CNTN5: variants seen among roughly 807,000 people sequenced by gnomAD.
The protein encoded by CNTN5 is contactin 5, also known as contactin-5.
A neutral mutation model predicts 129.1 loss-of-function variants in CNTN5; 77 were observed. That is an observed-to-expected ratio of 0.60 (90% CI 0.50 to 0.72). The LOEUF is 0.72. CNTN5 is among the 30% of genes least tolerant of loss of function. The pLI, the probability that CNTN5 is intolerant of heterozygous loss-of-function variation, is 0.00. For missense variants in CNTN5, 1,478 were observed against 1,328.8 expected (o/e 1.11, Z -1.75); for synonymous variants, 509 against 465.6 (o/e 1.09, Z -1.20).
At chr11:99,950,983 G>T (rs920092998) in intron 7 of CNTN5, among the ~76,000 whole-genome samples, 1 of 152,104 alleles carries the variant, frequency 6.6e-6, no homozygotes, top group Non-Finnish European at 1.5e-5. Context: ...TGTTGAAGAT[G>T]ATTAAAATAA....
intron 1 of CNTN5, among the ~76,000 whole-genome samples, chr11:99,312,490 C>T (rs944459550): frequency 4.6e-5 from 7 of 151,996 alleles, no homozygotes; most frequent in South Asian, 2.1e-4. Context: ...ATTTTTTCTC[C>T]GAATGGTAGT....
Position 99,811,402 on chromosome 11 carries a change from G to T in CNTN5, c.56-8142G>T, listed in dbSNP as rs1946423398. Among the ~76,000 whole-genome samples, 3 of 150,112 alleles carry T rather than the reference G, an allele frequency of 2.0e-5. No homozygotes were observed. The South Asian group carries it at 6.3e-4, about 31-fold the overall frequency. On this transcript the variant is annotated intron_variant, in intron 3 of 24. Transcript: ENST00000524871. ...TTATTTTATCTTCTTCATAAATATT[G>T]CCATAAAGAATTTTAGTTCTGCATA...
intron 3 of CNTN5, among the ~76,000 whole-genome samples, chr11:99,772,797 AG>A (rs1414314695): frequency 6.6e-6 from 1 of 152,106 alleles, no homozygotes; most frequent in Non-Finnish European, 1.5e-5. Flanking sequence ...GGGGAAGAAA[AG>A]GGCAGTACTT....
At chr11:99,466,019 C>A (rs1405227968) in intron 2 of CNTN5, among the ~76,000 whole-genome samples, 2 of 151,916 alleles carry the variant, frequency 1.3e-5, no homozygotes, top group African/African-American at 2.4e-5. Context: ...GTAGCTGGGA[C>A]TACAGGTGTC....
intron 1 of CNTN5, among the ~76,000 whole-genome samples, chr11:99,157,558 C>A (rs1184914810): frequency 6.6e-6 from 1 of 151,874 alleles, no homozygotes; most frequent in Non-Finnish European, 1.5e-5. Flanking sequence ...AATATATATC[C>A]TAGTAGATTT....
chr11:100,108,545 C>G (rs1945534389), intron 13 of CNTN5, among the ~76,000 whole-genome samples: 1 of 152,086 alleles, frequency 6.6e-6, no homozygotes, highest in Non-Finnish European at 1.5e-5. Context: ...TCCTATTTTT[C>G]TTAGTTCTGT....
At chr11:99,478,575 G>T (rs1945469999) in intron 2 of CNTN5, among the ~76,000 whole-genome samples, 1 of 152,044 alleles carries the variant, frequency 6.6e-6, no homozygotes, top group Admixed American at 6.6e-5. Context: ...GGCCATCTTG[G>T]CATTGGCTAC....
At chr11:99,395,331 A>G (rs532184586) in intron 2 of CNTN5, among the ~76,000 whole-genome samples, 21 of 151,900 alleles carry the variant, frequency 1.4e-4, no homozygotes, top group African/African-American at 5.1e-4. Flanking sequence ...GGTCATATGT[A>G]TGTCTTCTTT....
At chr11:99,270,327 A>G (rs1439507546) in intron 1 of CNTN5, among the ~76,000 whole-genome samples, 1 of 151,850 alleles carries the variant, frequency 6.6e-6, no homozygotes, top group Non-Finnish European at 1.5e-5. Context: ...AATCTACACC[A>G]TCTTCAGTCC....
chr11:99,357,282 A>G (rs1938744082), intron 2 of CNTN5, among the ~76,000 whole-genome samples: 2 of 152,158 alleles, frequency 1.3e-5, no homozygotes, highest in Admixed American at 1.3e-4. Context: ...TTCCCCTAGT[A>G]TTCAATATAG....
intron 1 of CNTN5, among the ~76,000 whole-genome samples, chr11:99,044,606 T>G (rs1416082344): frequency 6.6e-6 from 1 of 152,144 alleles, no homozygotes; most frequent in Non-Finnish European, 1.5e-5. Flanking sequence ...AGGCCTTGGA[T>G]CATTTTGCCA....
At chr11:99,652,043 G>A (rs981825700) in intron 3 of CNTN5, among the ~76,000 whole-genome samples, 4 of 152,132 alleles carry the variant, frequency 2.6e-5, no homozygotes, top group South Asian at 2.1e-4. Flanking sequence ...AATCTCCAGC[G>A]TGGATTAAGG....
At chr11:100,116,834 A>G (rs1945855135) in intron 13 of CNTN5, among the ~76,000 whole-genome samples, 2 of 152,046 alleles carry the variant, frequency 1.3e-5, no homozygotes, top group African/African-American at 2.4e-5. Flanking sequence ...ATTTAAACTT[A>G]CTATAAAGAG....
intron 1 of CNTN5, among the ~76,000 whole-genome samples, chr11:99,211,299 G>T (rs527331341): frequency 2.6e-5 from 4 of 152,080 alleles, no homozygotes; most frequent in Non-Finnish European, 1.5e-5. Context: ...CGCAAAGATA[G>T]ATTTTTTGGG....
chr11:99,665,455 AT>A (rs762426842), intron 3 of CNTN5, among the ~76,000 whole-genome samples: 44 of 143,282 alleles, frequency 3.1e-4, no homozygotes, highest in South Asian at 1.9e-3. Flanking sequence ...TTTTGATTTT[AT>A]TACGGGAGCA....
intron 8 of CNTN5, among the ~76,000 whole-genome samples, chr11:99,978,903 G>T (rs1938167604): frequency 1.3e-5 from 2 of 152,132 alleles, no homozygotes; most frequent in Admixed American, 1.3e-4. Context: ...ATCATTTAAA[G>T]AAATCTATTT....
rs1439856666 is a variant in CNTN5 at position 99,832,038 on chromosome 11, C to A, written c.277+12273C>A. 2.6e-5 allele frequency among the ~76,000 whole-genome samples: 4 copies of A among 152,118 alleles called. No individual in the cohort carries two copies. The East Asian group carries it at 7.7e-4, about 29-fold the overall frequency. On this transcript the variant is annotated intron_variant, in intron 4 of 24. Coordinates refer to ENST00000524871, the MANE Select transcript of CNTN5 (RefSeq NM_014361.4). ...CTCCTTTGCAAAACTTCTTGAACCACCACTGTGCTGTACATTCATTAGCAG... is the reference window on the plus strand; with the variant it reads ...CTCCTTTGCAAAACTTCTTGAACCAACACTGTGCTGTACATTCATTAGCAG...
chr11:99,201,234 C>T (rs1362963341), intron 1 of CNTN5, among the ~76,000 whole-genome samples: 1 of 151,632 alleles, frequency 6.6e-6, no homozygotes, highest in Non-Finnish European at 1.5e-5. Flanking sequence ...CCATATTGGC[C>T]AGGCTGGTCT....
At chr11:100,019,780 G>T (rs1941029681) in intron 9 of CNTN5, among the ~76,000 whole-genome samples, 1 of 151,816 alleles carries the variant, frequency 6.6e-6, no homozygotes, top group Admixed American at 6.6e-5. Context: ...TTCCATGAAG[G>T]CTATACCAAT....
Sources: gnomAD v4.1 joint callset for allele counts (sites outside exome capture counted in the v4.1 genomes callset) on GRCh38, gnomAD v4.1.1 for gene constraint, MANE v1.5 for transcripts, NCBI Gene and HGNC (gene_info 2026-07-23, HGNC 2026-07-21) for gene names.